Variants in LHFPL3 observed in about 807,000 individuals in gnomAD.
LHFPL3 encodes the protein LHFPL tetraspan subfamily member 3, also known as LHFPL tetraspan subfamily member 3 protein.
A neutral mutation model predicts 19.3 loss-of-function variants in LHFPL3; 5 were observed. The ratio of observed to expected loss-of-function variants is 0.26; its 90% confidence interval spans 0.14 to 0.54. The LOEUF is 0.54. Among genes scored for constraint, LHFPL3 ranks in the 20% least tolerant of loss-of-function variants. LHFPL3 has a pLI of 0.94. For missense variants in LHFPL3, 249 were observed against 307.4 expected, an observed-to-expected ratio of 0.81 and a Z score of 1.42; for synonymous variants, 133 against 126.2, an observed-to-expected ratio of 1.05 and a Z score of -0.36.
intron 1 of LHFPL3, among the ~76,000 whole-genome samples, chr7:104,711,749 A>G (rs1390702058): frequency 6.6e-6 from 1 of 152,216 alleles, no homozygotes; most frequent in African/African-American, 2.4e-5. Context: ...AGACAGAACC[A>G]TGTCACAAGC....
intron 1 of LHFPL3, among the ~76,000 whole-genome samples, chr7:104,556,195 C>A (rs961791093): frequency 1.3e-5 from 2 of 152,208 alleles, no homozygotes; most frequent in Non-Finnish European, 2.9e-5. Context: ...TGGCCCTCTT[C>A]TCACAGCTCC....
intron 1 of LHFPL3, among the ~76,000 whole-genome samples, chr7:104,670,140 T>C (rs925789862): frequency 1.0e-5 from 1 of 97,518 alleles, no homozygotes; most frequent in African/African-American, 3.2e-5. Flanking sequence ...GGGAATTCCT[T>C]TTTTTTTTTT....
At chr7:104,642,099 G>T (rs1389152725) in intron 1 of LHFPL3, among the ~76,000 whole-genome samples, 4 of 136,442 alleles carry the variant, frequency 2.9e-5, no homozygotes, top group African/African-American at 8.3e-5. Context: ...GTGCAGTGGT[G>T]CAATCTCAGC....
At position 104,845,059 on chromosome 7, in the gene LHFPL3, G is replaced by T. The variant is rs373859127; in HGVS notation, c.683-61128G>T. ...CCGGCCTCTAAGTATTTCCCATGTGGTCATTCATTCCATCCGCACCAAAAC... is the reference window on the plus strand; with the variant it reads ...CCGGCCTCTAAGTATTTCCCATGTGTTCATTCATTCCATCCGCACCAAAAC... On this transcript the variant is annotated intron_variant, in intron 2 of 2. Transcript: ENST00000424859. Among the ~76,000 whole-genome samples, 9 of 152,326 alleles carry T rather than the reference G, an allele frequency of 5.9e-5. No individual in the cohort carries two copies. In the East Asian group the frequency reaches 1.4e-3, roughly 23 times the overall value.
At chr7:104,847,753 C>G (rs941431441) in intron 2 of LHFPL3, among the ~76,000 whole-genome samples, 3 of 152,242 alleles carry the variant, frequency 2.0e-5, no homozygotes, top group Non-Finnish European at 4.4e-5. Context: ...CTCAAGTGAT[C>G]CGCCTGCCTT....
chr7:104,437,675 C>A (rs1319967125), intron 1 of LHFPL3, among the ~76,000 whole-genome samples: 1 of 152,086 alleles, frequency 6.6e-6, no homozygotes, highest in Admixed American at 6.6e-5. Flanking sequence ...TTTGCTTTAC[C>A]ATCACCCATT....
intron 1 of LHFPL3, among the ~76,000 whole-genome samples, chr7:104,341,048 T>C (rs1449020149): frequency 6.6e-6 from 1 of 152,198 alleles, no homozygotes; most frequent in Non-Finnish European, 1.5e-5. Flanking sequence ...CTCTTCACAG[T>C]TATCGAAAGC....
chr7:104,851,288 G>A (rs1791410586), intron 2 of LHFPL3, among the ~76,000 whole-genome samples: 1 of 152,186 alleles, frequency 6.6e-6, no homozygotes, highest in Non-Finnish European at 1.5e-5. Context: ...CCTGTGGCTG[G>A]GTGTTTTCTG....
At chr7:104,337,021 T>C (rs1371189895) in intron 1 of LHFPL3, among the ~76,000 whole-genome samples, 1 of 151,040 alleles carries the variant, frequency 6.6e-6, no homozygotes, top group East Asian at 1.9e-4. Flanking sequence ...TCACAGGCCC[T>C]TTTTTTTTAA....
chr7:104,785,891 G>A (rs1482554514), intron 2 of LHFPL3: 3 of 152,182 alleles, frequency 2.0e-5, no homozygotes, highest in Admixed American at 6.6e-5. Flanking sequence ...AGCATTGATA[G>A]GGCCTACAAA....
At chr7:104,337,934 G>C (rs529095307) in intron 1 of LHFPL3, among the ~76,000 whole-genome samples, 1 of 152,120 alleles carries the variant, frequency 6.6e-6, no homozygotes, top group Non-Finnish European at 1.5e-5. Context: ...AGAAAGGAAT[G>C]CTCTACTGTA....
At position 104,895,371 on chromosome 7, in the gene LHFPL3, C is replaced by T. The variant is rs571720998; in HGVS notation, c.683-10816C>T. 2.6e-5 allele frequency: 4 copies of T among 152,318 alleles called. No homozygotes were observed. In the South Asian group the frequency reaches 6.2e-4, roughly 24 times the overall value. 9.4% of individuals were successfully genotyped at this position (152,318 alleles called of 1,614,324 possible). ...TCATCTATCCCCTAGGCCAGATTAT[C>T]TTATCAGCTACTGACCCAGTTAGCT... On this transcript the variant is annotated intron_variant, in intron 2 of 2. Transcript: ENST00000424859.
chr7:104,380,742 A>G lies in LHFPL3; in HGVS notation c.445+51518A>G, dbSNP rs529570163. ...ATGAATTCTAAAGCATAGATGCAAA[A>G]TCAGAAAGACATTCTCAAATTTGGA... On this transcript the variant is annotated intron_variant, in intron 1 of 2. Transcript: ENST00000424859. 2.0e-5 allele frequency among the ~76,000 whole-genome samples: 3 copies of G among 152,342 alleles called. 1 individual carries two copies. The South Asian group carries it at 6.2e-4, about 32-fold the overall frequency.
intron 1 of LHFPL3, among the ~76,000 whole-genome samples, chr7:104,531,313 G>C (rs572151157): frequency 6.6e-6 from 1 of 152,318 alleles, no homozygotes; most frequent in South Asian, 2.1e-4. Flanking sequence ...AATATAAGCA[G>C]CTCTGGCAAG....
At chr7:104,669,156 G>A (rs942167360) in intron 1 of LHFPL3, 1 of 1,613,386 alleles carries the variant, frequency 6.2e-7, no homozygotes, top group African/African-American at 1.3e-5. Flanking sequence ...AGCCCCTAAA[G>A]GTAATGCCAG....
intron 2 of LHFPL3, among the ~76,000 whole-genome samples, chr7:104,901,808 A>G (rs908020030): frequency 6.6e-6 from 1 of 151,978 alleles, no homozygotes; most frequent in South Asian, 2.1e-4. Flanking sequence ...GGGTCAAGCA[A>G]TCCTGCCACC....
chr7:104,337,052 G>A (rs1211845879), intron 1 of LHFPL3, among the ~76,000 whole-genome samples: 10 of 151,972 alleles, frequency 6.6e-5, no homozygotes, highest in Admixed American at 6.6e-4. Flanking sequence ...ACTCCTTCTG[G>A]AAGTAGTCTG....
chr7:104,574,156 T>G (rs1046590095), intron 1 of LHFPL3, among the ~76,000 whole-genome samples: 3 of 152,168 alleles, frequency 2.0e-5, no homozygotes, highest in Non-Finnish European at 2.9e-5. Flanking sequence ...CAAGTGAATT[T>G]TTCAATTATA....
At chr7:104,481,534 C>G (rs921903698) in intron 1 of LHFPL3, among the ~76,000 whole-genome samples, 1 of 152,102 alleles carries the variant, frequency 6.6e-6, no homozygotes, top group Admixed American at 6.6e-5. Flanking sequence ...TTATGCTGCT[C>G]TCCCTGCATG....
Sources: allele counts gnomAD v4.1 joint callset (sites outside exome capture counted in the v4.1 genomes callset), GRCh38; gene constraint gnomAD v4.1.1; transcripts MANE v1.5; gene names NCBI Gene and HGNC (gene_info 2026-07-23, HGNC 2026-07-21).